AGBL1: variants seen among roughly 807,000 people sequenced by gnomAD.
AGBL1 encodes cytosolic carboxypeptidase 4.
Under a neutral mutation model 118.9 loss-of-function variants are expected in AGBL1, and 130 were observed. The ratio of observed to expected loss-of-function variants is 1.09; its 90% CI spans 0.95 to 1.26. The LOEUF (loss-of-function observed/expected upper bound fraction) is 1.26. AGBL1 is among the 50% of genes most tolerant of loss of function. The pLI, the probability that AGBL1 is intolerant of heterozygous loss-of-function variation, is 0.00. For missense variants in AGBL1, 1,584 were observed against 1,298.1 expected, an observed-to-expected ratio of 1.22 and a Z score of -3.38; for synonymous variants, 555 against 478.9, an observed-to-expected ratio of 1.16 and a Z score of -2.08.
chr15:86,572,054 C>A lies in AGBL1; in HGVS notation c.2994+17517C>A, dbSNP rs76996514. Among the ~76,000 whole-genome samples, 19 of 152,332 alleles carry A rather than the reference C, an allele frequency of 1.2e-4. No homozygotes were observed. In the East Asian group the frequency reaches 3.5e-3, roughly 28 times the overall value. On this transcript the variant is annotated intron_variant, in intron 21 of 22. Coordinates refer to ENST00000614907, the MANE Select transcript of AGBL1 (RefSeq NM_001386094.1). Reference sequence around the variant, plus strand: ...GGCGTCTGGCATGTCAGCTCTACCCCGACTGTGTGCATATCTGGCCAGGCT... The same window carrying A: ...GGCGTCTGGCATGTCAGCTCTACCCAGACTGTGTGCATATCTGGCCAGGCT...
chr15:86,495,960 C>G (rs1411232260), intron 18 of AGBL1, among the ~76,000 whole-genome samples: 5 of 151,750 alleles, frequency 3.3e-5, no homozygotes, highest in Non-Finnish European at 7.4e-5. Context: ...TTCTATTTCA[C>G]CCCCAATACT....
At chr15:86,658,081 GTATA>G (rs908874962) in intron 21 of AGBL1, among the ~76,000 whole-genome samples, 8 of 151,928 alleles carry the variant, frequency 5.3e-5, no homozygotes, top group Non-Finnish European at 1.2e-4. Flanking sequence ...ATGTATGTGT[GTATA>G]TATTCATGTA....
chr15:86,792,509 GTT>G (rs1372746888), intron 22 of AGBL1, among the ~76,000 whole-genome samples: 2 of 152,216 alleles, frequency 1.3e-5, no homozygotes, highest in South Asian at 2.1e-4. Flanking sequence ...TTTCATATGA[GTT>G]ATGTGAATAA....
At chr15:86,405,898 C>A (rs1315373507) in intron 18 of AGBL1, among the ~76,000 whole-genome samples, 1 of 151,692 alleles carries the variant, frequency 6.6e-6, no homozygotes, top group Non-Finnish European at 1.5e-5. Context: ...GAAGCAAATG[C>A]CAGAGGAGGA....
chr15:86,269,618 A>G (rs1044168733), intron 13 of AGBL1, among the ~76,000 whole-genome samples: 1 of 152,264 alleles, frequency 6.6e-6, no homozygotes, highest in Non-Finnish European at 1.5e-5. Flanking sequence ...GTATCAAAAT[A>G]TCACATGTAC....
At chr15:86,439,171 G>T (rs1453189333) in intron 18 of AGBL1, among the ~76,000 whole-genome samples, 2 of 152,106 alleles carry the variant, frequency 1.3e-5, no homozygotes, top group African/African-American at 4.8e-5. Flanking sequence ...ATGTGTGAAT[G>T]TAAAACTTGT....
chr15:86,468,954 A>G (rs1004674564), intron 18 of AGBL1, among the ~76,000 whole-genome samples: 2 of 152,154 alleles, frequency 1.3e-5, no homozygotes, highest in African/African-American at 2.4e-5. Context: ...TATAATTTAC[A>G]AATACAAATT....
Position 86,183,301 on chromosome 15 carries a change from A to G in AGBL1, c.488+24275A>G, listed in dbSNP as rs2077578504. On this transcript the variant is annotated intron_variant, in intron 5 of 22. Transcript: ENST00000614907. ...ACAATTTTTGACTCTATGACATATCAGTAAGTTTTTTAATTCCATAGAATC... is the reference window on the plus strand; with the variant it reads ...ACAATTTTTGACTCTATGACATATCGGTAAGTTTTTTAATTCCATAGAATC... Among the ~76,000 whole-genome samples, 4 of 152,220 alleles carry G rather than the reference A, an allele frequency of 2.6e-5. No homozygotes were observed. The South Asian group carries it at 8.3e-4, about 32-fold the overall frequency.
chr15:86,941,988 G>A (rs2080758048), intron 23 of AGBL1, among the ~76,000 whole-genome samples: 1 of 152,218 alleles, frequency 6.6e-6, no homozygotes, highest in South Asian at 2.1e-4. Flanking sequence ...GGAACTGAGA[G>A]GCAATGGATG....
At chr15:86,333,069 A>G (rs1332350353) in intron 17 of AGBL1, among the ~76,000 whole-genome samples, 1 of 152,210 alleles carries the variant, frequency 6.6e-6, no homozygotes, top group African/African-American at 2.4e-5. Context: ...ATAGTGCTAA[A>G]TACCTACCTC....
At chr15:86,635,444 G>A (rs969090486) in intron 21 of AGBL1, among the ~76,000 whole-genome samples, 50 of 151,162 alleles carry the variant, frequency 3.3e-4, no homozygotes, top group African/African-American at 9.7e-4. Flanking sequence ...CCTGAACTGC[G>A]ATTCAGGTTG....
chr15:86,708,534 C>T (rs190334898), intron 22 of AGBL1, among the ~76,000 whole-genome samples: 60 of 152,160 alleles, frequency 3.9e-4, no homozygotes, highest in South Asian at 2.1e-4. Context: ...TATTTGTTAC[C>T]GCAGCCTGAG....
intron 17 of AGBL1, chr15:86,317,241 C>CA (rs1224447382): frequency 1.3e-5 from 2 of 152,164 alleles, no homozygotes; most frequent in East Asian, 3.9e-4. Context: ...GTTTCCATAG[C>CA]AACCAATCAT....
chr15:86,405,055 G>A (rs1221411680), intron 18 of AGBL1, among the ~76,000 whole-genome samples: 2 of 152,174 alleles, frequency 1.3e-5, no homozygotes, highest in African/African-American at 4.8e-5. Context: ...CTGCCATATG[G>A]GGGAGGCCAG....
intron 23 of AGBL1, among the ~76,000 whole-genome samples, chr15:86,930,974 C>A (rs1237479034): frequency 6.6e-6 from 1 of 152,088 alleles, no homozygotes; most frequent in African/African-American, 2.4e-5. Context: ...AAACCCAGAC[C>A]CCCACCAAAC....
At chr15:86,623,407 G>A (rs2084841299) in intron 21 of AGBL1, among the ~76,000 whole-genome samples, 1 of 152,210 alleles carries the variant, frequency 6.6e-6, no homozygotes, top group African/African-American at 2.4e-5. Flanking sequence ...AGTCTGCAGT[G>A]TGAATTGAGA....
intron 17 of AGBL1, among the ~76,000 whole-genome samples, chr15:86,340,299 C>A (rs540597262): frequency 6.6e-6 from 1 of 151,802 alleles, no homozygotes; most frequent in Non-Finnish European, 1.5e-5. Context: ...CCACTGCCCC[C>A]CCCCCATTCA....
intron 23 of AGBL1, among the ~76,000 whole-genome samples, chr15:86,978,694 C>T (rs1252088631): frequency 6.6e-6 from 1 of 152,118 alleles, no homozygotes; most frequent in Non-Finnish European, 1.5e-5. Flanking sequence ...TGGGGTCAGG[C>T]TGTGAGCTGG....
chr15:86,247,874 A>C lies in AGBL1; in HGVS notation c.730A>C (p.Thr244Pro), dbSNP rs758576451. ...AQGMEILFST[T>P]QNCLDDKSME... Reference sequence around the variant, plus strand: ...GGGCATGGAGATCCTCTTCAGCACCACACAGGCAGGCAGCATGGGGATTCA... The same window carrying C: ...GGGCATGGAGATCCTCTTCAGCACCCCACAGGCAGGCAGCATGGGGATTCA... The change falls in exon 7 of 23, where the codon ACA (threonine) becomes CCA (proline). Residue 244 changes from threonine (T) to proline (P), a missense_variant. Physicochemically the swap from Thr to Pro is conservative, Grantham distance 38 (BLOSUM62 -1). Coordinates refer to ENST00000614907, the MANE Select transcript of AGBL1 (RefSeq NM_001386094.1). The C allele has an allele frequency of 1.9e-6, 3 of 1,613,862 alleles. No homozygotes were observed. In the African/African-American group the frequency reaches 4.0e-5, roughly 22 times the overall value.
Sources: allele counts gnomAD v4.1 joint callset (sites outside exome capture counted in the v4.1 genomes callset), GRCh38; gene constraint gnomAD v4.1.1; transcripts MANE v1.5; gene names NCBI Gene and HGNC (gene_info 2026-07-23, HGNC 2026-07-21).